Variants in PDS5B observed in about 807,000 individuals in gnomAD.
PDS5B encodes the protein sister chromatid cohesion protein PDS5 homolog B.
PDS5B carries 51 observed loss-of-function variants against 184.1 expected under a neutral mutation model. The ratio of observed to expected loss-of-function variants is 0.28; its 90% CI spans 0.22 to 0.35. PDS5B has a LOEUF of 0.35. Among genes scored for constraint, PDS5B ranks in the 10% least tolerant of loss-of-function variants. The pLI is 1.00. For synonymous variants in PDS5B, 566 were observed against 569.2 expected (o/e 0.99, Z 0.08); for missense variants, 1,180 against 1,723.3 (o/e 0.68, Z 5.58).
intron 23 of PDS5B, among the ~76,000 whole-genome samples, chr13:32,742,931 A>G (rs530831930): frequency 6.4e-4 from 97 of 151,068 alleles, no homozygotes; most frequent in Non-Finnish European, 1.2e-3. Flanking sequence ...ACTGTTATAC[A>G]TTGTAAATAT....
At chr13:32,627,542 T>C (rs747858750) in intron 1 of PDS5B, among the ~76,000 whole-genome samples, 1 of 152,304 alleles carries the variant, frequency 6.6e-6, no homozygotes, top group African/African-American at 2.4e-5. Context: ...AAAAGAAATA[T>C]CTTTTTTCTA....
intron 2 of PDS5B, chr13:32,649,885 G>C (rs1338756424): frequency 6.6e-6 from 1 of 152,082 alleles, no homozygotes; most frequent in African/African-American, 2.4e-5. Context: ...ATTAAGAATA[G>C]TCAAGCTATG....
In PDS5B at chr13:32,756,886, G is replaced by A. The variant is rs150257101; in HGVS notation, c.3056+930G>A. Among the ~76,000 whole-genome samples the A allele has an allele frequency of 3.9e-5, 6 of 152,216 alleles. No homozygotes were observed. In the East Asian group the frequency reaches 1.2e-3, roughly 29 times the overall value. ...GCCTGTAATCTCAGCACTTTGGGAG[G>A]CTGAGGCGGGTGGCTCACCTGAGGT... On this transcript the variant is annotated intron_variant, in intron 26 of 34. Coordinates refer to ENST00000315596, the MANE Select transcript of PDS5B (RefSeq NM_015032.4).
chr13:32,734,730 C>T (rs1332315764), intron 20 of PDS5B, among the ~76,000 whole-genome samples: 1 of 152,194 alleles, frequency 6.6e-6, no homozygotes, highest in Non-Finnish European at 1.5e-5. Flanking sequence ...TCATTTTACT[C>T]CCACTCTCTT....
At chr13:32,686,064 A>G (rs1377535136) in intron 11 of PDS5B, among the ~76,000 whole-genome samples, 1 of 152,222 alleles carries the variant, frequency 6.6e-6, no homozygotes, top group Non-Finnish European at 1.5e-5. Context: ...ATTTGTTGCT[A>G]TGAATGACAG....
chr13:32,752,528 A>G (rs1372884426), intron 24 of PDS5B, among the ~76,000 whole-genome samples: 1 of 152,220 alleles, frequency 6.6e-6, no homozygotes, highest in Non-Finnish European at 1.5e-5. Flanking sequence ...TAAGACAGAC[A>G]TTTAAACCAA....
intron 19 of PDS5B, among the ~76,000 whole-genome samples, chr13:32,717,985 AAAT>A (rs1952533518): frequency 6.6e-6 from 1 of 150,996 alleles, no homozygotes; most frequent in South Asian, 2.1e-4. Flanking sequence ...AAGAGAATTT[AAAT>A]AATAAAGCGA....
At chr13:32,769,259 C>T (rs1486999990) in intron 31 of PDS5B, among the ~76,000 whole-genome samples, 1 of 152,104 alleles carries the variant, frequency 6.6e-6, no homozygotes, top group Non-Finnish European at 1.5e-5. Flanking sequence ...GGACACAATA[C>T]GAAGGATGTA....
At chr13:32,630,058 T>G (rs957862621) in intron 1 of PDS5B, among the ~76,000 whole-genome samples, 2 of 152,100 alleles carry the variant, frequency 1.3e-5, no homozygotes, top group Non-Finnish European at 2.9e-5. Flanking sequence ...AAATTTGGAG[T>G]TTCCAGGTAT....
chr13:32,706,768 G>GA (rs1952030440), intron 17 of PDS5B, among the ~76,000 whole-genome samples, 166 bp from the exon 18 acceptor site: 1 of 152,168 alleles, frequency 6.6e-6, no homozygotes, highest in South Asian at 2.1e-4. Flanking sequence ...AGAAGCATCT[G>GA]AAAATACTAT....
chr13:32,639,378 A>G (rs1409485566), intron 1 of PDS5B, among the ~76,000 whole-genome samples: 2 of 152,232 alleles, frequency 1.3e-5, no homozygotes, highest in African/African-American at 2.4e-5. Context: ...AACTTCCTAA[A>G]GTATTCACCG....
rs1249301371 is a variant in PDS5B at position 32,726,907 on chromosome 13, C to A, written c.2124-5194C>A. 4.6e-5 allele frequency among the ~76,000 whole-genome samples: 7 copies of A among 152,142 alleles called. No homozygotes were observed. In the East Asian group the frequency reaches 1.4e-3, roughly 29 times the overall value. ...TTCCAGCCTGGGCAATAGAGCAACA[C>A]CCTTAAAGAAAAAGTTTATTTATTT... On this transcript the variant is annotated intron_variant, in intron 19 of 34. Coordinates refer to ENST00000315596, the MANE Select transcript of PDS5B (RefSeq NM_015032.4).
At chr13:32,701,709 G>A (rs1951868303) in intron 17 of PDS5B, among the ~76,000 whole-genome samples, 1 of 152,064 alleles carries the variant, frequency 6.6e-6, no homozygotes, top group Non-Finnish European at 1.5e-5. Flanking sequence ...TTCAAATTGT[G>A]TGAGAAATTG....
chr13:32,692,257 A>G (rs1014537900), intron 13 of PDS5B, among the ~76,000 whole-genome samples: 5 of 151,870 alleles, frequency 3.3e-5, no homozygotes, highest in African/African-American at 1.2e-4. Flanking sequence ...ATAAGCTCCT[A>G]AGTAAACTAA....
chr13:32,676,932 CAAAAAAAA>C (rs4057303), intron 9 of PDS5B, among the ~76,000 whole-genome samples: 4 of 78,794 alleles, frequency 5.1e-5, no homozygotes, highest in Non-Finnish European at 7.0e-5. Flanking sequence ...CTCTTGTCTC[CAAAAAAAA>C]AAAAAAAAAA....
intron 1 of PDS5B, among the ~76,000 whole-genome samples, chr13:32,624,571 G>T (rs148338022): frequency 0.016 from 2,507 of 152,202 alleles, 67 homozygotes; most frequent in African/African-American, 0.056. Flanking sequence ...TTGGCAATGA[G>T]GTTATAATAT....
In PDS5B at chr13:32,665,623, ACATCTTTAC is replaced by A. The variant is rs1555298446; in HGVS notation, c.625-2140_625-2132del. The stretch of plus-strand genomic sequence containing the variant: ...AAAAAAAAAAAAAAAAAGAAAATAA[ACATCTTTAC>A]AACCTCAAGATAGGAATGAATTTCT... On this transcript the variant is annotated intron_variant, in intron 6 of 34. Coordinates refer to ENST00000315596, the MANE Select transcript of PDS5B (RefSeq NM_015032.4). Among the ~76,000 whole-genome samples, 171 of 150,138 alleles carry A rather than the reference ACATCTTTAC, an allele frequency of 1.1e-3. 1 individual carries two copies. The highest frequency in any genetic ancestry group is 1.9e-3 in the Non-Finnish European group (130 of 67,284).
intron 1 of PDS5B, among the ~76,000 whole-genome samples, chr13:32,636,497 A>G (rs2058562304): frequency 6.6e-6 from 1 of 152,212 alleles, no homozygotes; most frequent in South Asian, 2.1e-4. Flanking sequence ...TGCACCAGAG[A>G]TGGAAAACCA....
rs1265798453 is a variant in PDS5B at position 32,707,012 on chromosome 13, C to A, written c.1935C>A (p.Ala645=). ...DEDEGVPTDQ[A]IRAGLELLKV... The stretch of plus-strand genomic sequence containing the variant: ...ATGAGGGTGTTCCAACTGATCAAGC[C>A]ATCAGAGCAGGTCTTGAACTGCTTA... Residue 645 remains alanine (A), a synonymous_variant, in exon 18 of 35, where the codon GCC becomes GCA. Transcript: ENST00000315596. The A allele has an allele frequency of 6.2e-7, 1 of 1,608,228 alleles. No homozygotes were observed. Among genetic ancestry groups the A allele is most frequent in the Non-Finnish European group, 8.5e-7 (1 of 1,176,798 alleles).
Sources: allele counts gnomAD v4.1 joint callset (sites outside exome capture counted in the v4.1 genomes callset), GRCh38; gene constraint gnomAD v4.1.1; transcripts MANE v1.5; gene names NCBI Gene and HGNC (gene_info 2026-07-23, HGNC 2026-07-21).